Variants in HAL observed in about 807,000 individuals in gnomAD.
The protein encoded by HAL is histidase.
HAL carries 85 observed loss-of-function variants against 81.1 expected under a neutral mutation model. The ratio of observed to expected loss-of-function variants is 1.05; its 90% CI spans 0.88 to 1.25. HAL has a LOEUF of 1.25. HAL is among the 50% of genes most tolerant of loss of function. HAL has a pLI of 0.00. For missense variants in HAL, 798 were observed against 836.6 expected (o/e 0.95, Z 0.57); for synonymous variants, 301 against 309.2 (o/e 0.97, Z 0.28).
intron 17 of HAL, among the ~76,000 whole-genome samples, chr12:95,978,384 G>A (rs2080750339): frequency 1.3e-5 from 2 of 152,120 alleles, no homozygotes; most frequent in Admixed American, 6.6e-5. Context: ...GGAGACTAGG[G>A]GAGAAAGAGA....
rs764348816 is a variant in HAL, at chr12:95,985,962, ACT to A, written c.1150_1151del (p.His385GlnfsTer4). ...CCTGGACGCGATCACAGAACCTGTG[ACT>A]CTCTGTGGAAGAGGTGGAGGGGATG... is the stretch of plus-strand genomic sequence containing the variant. ...SDHHPSEIAE[S>X]HRFCDRVQDA... On this transcript the variant is annotated frameshift_variant and splice_region_variant, in exon 14 of 21. Coordinates refer to ENST00000261208, the MANE Select transcript of HAL (RefSeq NM_002108.4). LOFTEE classifies it high-confidence loss of function. 1.1e-5 allele frequency: 17 copies of A among 1,610,686 alleles called. No individual in the cohort carries two copies. The East Asian group carries it at 1.1e-4, about 11-fold the overall frequency.
chr12:95,978,693 T>G (rs141592097), intron 17 of HAL, among the ~76,000 whole-genome samples: 525 of 152,218 alleles, frequency 3.4e-3, no homozygotes, highest in Non-Finnish European at 5.3e-3. Flanking sequence ...GGGCGTGAAA[T>G]TCTGCTGTTC....
Position 95,994,015 on chromosome 12 carries a change from C to A in HAL, c.412-17G>T. ...TGGGGTGAGCTAGGAAAATGTTGAT[C>A]AGAACTGAGCACGTTAAAGACTTCC... On this transcript the variant is annotated splice_polypyrimidine_tract_variant and intron_variant, in intron 5 of 20. Coordinates refer to ENST00000261208, the MANE Select transcript of HAL (RefSeq NM_002108.4). 1 of 1,607,596 alleles carries A rather than the reference C, an allele frequency of 6.2e-7. No individual in the cohort carries two copies. Among genetic ancestry groups the A allele is most frequent in the South Asian group, 1.1e-5 (1 of 90,944 alleles).
intron 18 of HAL, among the ~76,000 whole-genome samples, chr12:95,977,227 C>T (rs10777764): frequency 2.0e-5 from 3 of 151,910 alleles, no homozygotes; most frequent in African/African-American, 4.8e-5. Context: ...CCAGGTCCAC[C>T]GTGAATTCCA....
At chr12:95,988,139 C>T in intron 11 of HAL, 54 bp downstream of exon 11, 1 of 859,174 alleles carries the variant, frequency 1.2e-6, no homozygotes, top group Non-Finnish European at 2.0e-6. Context: ...ACTGAAAATA[C>T]TGCATAAATA....
chr12:95,989,278 T>G (rs892806213), intron 10 of HAL, among the ~76,000 whole-genome samples: 3 of 152,226 alleles, frequency 2.0e-5, no homozygotes, highest in Non-Finnish European at 2.9e-5. Context: ...CTTGAACTCC[T>G]GGGCTCAAGT....
chr12:95,983,154 G>A (rs763141467), intron 15 of HAL, among the ~76,000 whole-genome samples: 63 of 152,170 alleles, frequency 4.1e-4, no homozygotes, highest in Non-Finnish European at 7.9e-4. Flanking sequence ...TTGGGAGGCC[G>A]AGGCAGGTGG....
At position 95,985,894 on chromosome 12, in the gene HAL, T is replaced by C; in HGVS notation, c.1206+14A>G. ...GGCATTTTTTATTGACCTTTTTTTTTTTCTTTATTTTACCTGTGGACAGCA... is the reference window on the plus strand; with the variant it reads ...GGCATTTTTTATTGACCTTTTTTTTCTTCTTTATTTTACCTGTGGACAGCA... On this transcript the variant is annotated intron_variant, in intron 14 of 20. Transcript: ENST00000261208. 1.9e-6 allele frequency: 3 copies of C among 1,584,366 alleles called. No individual in the cohort carries two copies. The highest frequency in any genetic ancestry group is 1.7e-4 in the Middle Eastern group (1 of 5,996).
At chr12:95,987,581 T>C (rs956751358) in intron 11 of HAL, among the ~76,000 whole-genome samples, 1 of 152,194 alleles carries the variant, frequency 6.6e-6, no homozygotes, top group African/African-American at 2.4e-5. Flanking sequence ...CCAATTCTGG[T>C]CCAAGACTCT....
At position 95,990,524 on chromosome 12, in the gene HAL, G is replaced by T. The variant is rs145831585; in HGVS notation, c.724C>A (p.Leu242Met). ...QVIEMFNASC[L>M]PYVPEKGTVG... Reference sequence around the variant, plus strand: ...GTTCCTTTCTCTGGGACATAGGGCAGGCAGGAGGCTGGGAGAGAAGTAGGC... The same window carrying T: ...GTTCCTTTCTCTGGGACATAGGGCATGCAGGAGGCTGGGAGAGAAGTAGGC... The change falls in exon 10 of 21, where the codon CTG becomes ATG. Residue 242 changes from leucine (L) to methionine (M), a missense_variant. Transcript: ENST00000261208. 3.1e-4 allele frequency: 500 copies of T among 1,613,416 alleles called. 1 individual carries two copies. The highest frequency in any genetic ancestry group is 1.3e-3 in the Middle Eastern group (8 of 6,062).
chr12:95,991,196 C>T (rs1165884672), intron 9 of HAL, among the ~76,000 whole-genome samples: 1 of 152,078 alleles, frequency 6.6e-6, no homozygotes, highest in East Asian at 1.9e-4. Flanking sequence ...AGTACTTCCA[C>T]TTGTAGAAAT....
rs940991094 is a variant in HAL at position 95,993,758 on chromosome 12, T to C, written c.551+14A>G. Reference sequence around the variant, plus strand: ...GGTAGGTGGAACGTGAACATATGTGTGTTTTAAACTTACTGTAGCTTATTG... The same window carrying C: ...GGTAGGTGGAACGTGAACATATGTGCGTTTTAAACTTACTGTAGCTTATTG... On this transcript the variant is annotated intron_variant, in intron 7 of 20. Coordinates refer to ENST00000261208, the MANE Select transcript of HAL (RefSeq NM_002108.4). The C allele has an allele frequency of 7.1e-7, 1 of 1,404,386 alleles. No homozygotes were observed. The highest frequency in any genetic ancestry group is 1.0e-6 in the Non-Finnish European group (1 of 988,394). 87.0% of individuals were successfully genotyped at this position (1,404,386 alleles called of 1,614,324 possible).
chr12:95,978,403 C>G (rs1158059680), intron 17 of HAL, among the ~76,000 whole-genome samples: 2 of 152,082 alleles, frequency 1.3e-5, no homozygotes, highest in East Asian at 3.9e-4. Flanking sequence ...GACATGATGG[C>G]CATTTTCAGG....
intron 14 of HAL, 42 bp from the exon 15 acceptor site, chr12:95,984,033 C>T (rs775105852): frequency 5.5e-6 from 5 of 914,792 alleles, no homozygotes; most frequent in Non-Finnish European, 5.5e-6. Flanking sequence ...CATTTGATTA[C>T]CTGAAGAGTA....
chr12:95,985,439 C>G (rs1386823877), intron 14 of HAL, among the ~76,000 whole-genome samples: 1 of 151,782 alleles, frequency 6.6e-6, no homozygotes, highest in Non-Finnish European at 1.5e-5. Context: ...ACTAAAAATA[C>G]AAAAATTAGG....
At chr12:95,978,735 G>C (rs1010585892) in intron 17 of HAL, among the ~76,000 whole-genome samples, 3 of 152,022 alleles carry the variant, frequency 2.0e-5, no homozygotes, top group African/African-American at 7.2e-5. Flanking sequence ...CCATATTGTT[G>C]GTCTGAGGAC....
chr12:95,986,105 C>G lies in HAL; in HGVS notation c.1107G>C (p.Arg369=). Residue 369 remains arginine (R), a synonymous_variant, in exon 13 of 21, where the codon CGG becomes CGC. Transcript: ENST00000261208. ...GGTGGTGATCTGAGTCCAAGAGTGACCGAAACCGAAAAGCAACTTCAATTT... is the reference window on the plus strand; with the variant it reads ...GGTGGTGATCTGAGTCCAAGAGTGAGCGAAACCGAAAAGCAACTTCAATTT... ...RGQIEVAFRF[R]SLLDSDHHPS... 1 of 1,613,258 alleles carries G rather than the reference C, an allele frequency of 6.2e-7. No individual in the cohort carries two copies. The highest frequency in any genetic ancestry group is 2.2e-5 in the East Asian group (1 of 44,886).
In HAL at chr12:95,995,701, G is replaced by A. The variant is rs376287928; in HGVS notation, c.210C>T (p.Leu70=). ...ACTCGTTGTTCTCTAGGGCCACCTC[G>A]AGCCGGTCCTCGTTGTCCAGCAGGC... The part of the protein sequence containing the change: ...GLGLLDNEDR[L]EVALENNEFV... The change falls in exon 2 of 21, where the codon CTC becomes CTT. Residue 70 remains leucine (L), a synonymous_variant. Transcript: ENST00000261208. 19 of 1,613,504 alleles carry A rather than the reference G, an allele frequency of 1.2e-5. No individual in the cohort carries two copies. The highest frequency in any genetic ancestry group is 1.5e-5 in the Non-Finnish European group (18 of 1,180,042).
rs1161539284 is a variant in HAL, at chr12:95,994,674, G to A, written c.336+124C>T. On this transcript the variant is annotated intron_variant, in intron 4 of 20. Coordinates refer to ENST00000261208, the MANE Select transcript of HAL (RefSeq NM_002108.4). ...CAAAGTGCTGGGACTACAGACATGA[G>A]TCACTGCTCCCGGCCAGCCCTGTTC... The A allele has an allele frequency of 2.0e-5, 20 of 982,548 alleles. No individual in the cohort carries two copies. In the Admixed American group the frequency reaches 2.9e-4, roughly 14 times the overall value. The allele number at this position is 982,548 out of a possible 1,614,324, so 60.9% of individuals were successfully genotyped here.
Sources: allele counts gnomAD v4.1 joint callset (sites outside exome capture counted in the v4.1 genomes callset), GRCh38; gene constraint gnomAD v4.1.1; transcripts MANE v1.5; gene names NCBI Gene and HGNC (gene_info 2026-07-23, HGNC 2026-07-21).